Variants in EFR3A observed in about 807,000 individuals in gnomAD.
EFR3A encodes the protein EFR3 homolog A.
Under a neutral mutation model 104.4 loss-of-function variants are expected in EFR3A, and 76 were observed. The ratio of observed to expected loss-of-function variants is 0.73; its 90% confidence interval spans 0.60 to 0.88. The LOEUF is 0.88. EFR3A is among the 40% of genes least tolerant of loss of function. The pLI, the probability that EFR3A is intolerant of heterozygous loss-of-function variation, is 0.00. For missense variants in EFR3A, 985 were observed against 1,012.5 expected, an observed-to-expected ratio of 0.97 and a Z score of 0.37; for synonymous variants, 330 against 330.0, an observed-to-expected ratio of 1.00 and a Z score of 0.00.
chr8:132,010,407 G>GATATACATATATATATATATATATAT (rs1554610360), intron 22 of EFR3A, among the ~76,000 whole-genome samples: 1 of 81,880 alleles, frequency 1.2e-5, no homozygotes, highest in African/African-American at 4.9e-5. Context: ...TCAAGTATGA[G>GATATACATATATATATATATATATAT]ATATATATAT....
chr8:131,941,320 C>G (rs1818162383), intron 2 of EFR3A, among the ~76,000 whole-genome samples: 1 of 151,866 alleles, frequency 6.6e-6, no homozygotes, highest in Non-Finnish European at 1.5e-5. Context: ...TCTGTAGTCT[C>G]CTGTTAAATG....
At position 131,976,268 on chromosome 8, in the gene EFR3A, T is replaced by G. The variant is rs1046030047; in HGVS notation, c.1274+127T>G. 6 of 661,016 alleles carry G rather than the reference T, an allele frequency of 9.1e-6. No homozygotes were observed. The African/African-American group carries it at 1.1e-4, about 12-fold the overall frequency. The allele number at this position is 661,016 out of a possible 1,614,324, so 40.9% of individuals were successfully genotyped here. A position where few individuals can be genotyped will look rare whatever the true frequency, so the allele number is the denominator to read the frequency against. On this transcript the variant is annotated intron_variant, in intron 11 of 22. Coordinates refer to ENST00000254624, the MANE Select transcript of EFR3A (RefSeq NM_015137.6). ...GTAATAGCATTCCTATGGAAAGCAG[T>G]TAGTATTATTATGACAGTAGATTGC...
chr8:131,918,547 A>C (rs936401020), intron 1 of EFR3A, among the ~76,000 whole-genome samples: 1 of 152,162 alleles, frequency 6.6e-6, no homozygotes, highest in African/African-American at 2.4e-5. Flanking sequence ...CAAATGTTGG[A>C]TAGAGAAATT....
intron 1 of EFR3A, among the ~76,000 whole-genome samples, chr8:131,905,286 C>T (rs928052314): frequency 2.0e-5 from 3 of 152,184 alleles, no homozygotes; most frequent in Non-Finnish European, 4.4e-5. Context: ...ATAACTACTT[C>T]TAGTTGTCCT....
intron 1 of EFR3A, chr8:131,938,366 T>A: frequency 2.5e-6 from 1 of 396,274 alleles, no homozygotes; most frequent in Non-Finnish European, 4.5e-6. Context: ...AAGTAGAATA[T>A]TCATATTTAT....
In EFR3A at chr8:131,959,676, T is replaced by A; in HGVS notation, c.855+13T>A. 6 of 1,591,392 alleles carry A rather than the reference T, an allele frequency of 3.8e-6. No homozygotes were observed. Among genetic ancestry groups the A allele is most frequent in the African/African-American group, 1.3e-5 (1 of 74,204 alleles). ...GTATTCCATTCAGGTAAGGTTTGAT[T>A]AACTATTTACTGTATTTATATAAGT... On this transcript the variant is annotated intron_variant, in intron 8 of 22. Coordinates refer to ENST00000254624, the MANE Select transcript of EFR3A (RefSeq NM_015137.6).
chr8:131,987,713 G>C lies in EFR3A; in HGVS notation c.2065+11G>C. ...TACCACAAGTAACAGGTAAGAGGAG[G>C]ATAATTAGAACTTTCACTCTGGTGA... On this transcript the variant is annotated intron_variant, in intron 18 of 22. Transcript: ENST00000254624. The C allele has an allele frequency of 6.3e-7, 1 of 1,574,936 alleles. No homozygotes were observed.
intron 1 of EFR3A, among the ~76,000 whole-genome samples, chr8:131,926,128 G>A (rs1356701009): frequency 6.6e-6 from 1 of 151,992 alleles, no homozygotes; most frequent in East Asian, 1.9e-4. Context: ...TAGAAGACTA[G>A]CTTCATGTTA....
At chr8:131,906,437 A>G (rs1816270025) in intron 1 of EFR3A, among the ~76,000 whole-genome samples, 1 of 152,202 alleles carries the variant, frequency 6.6e-6, no homozygotes, top group East Asian at 1.9e-4. Context: ...ATTAAAATCA[A>G]AGGGTTGGAG....
Position 131,943,574 on chromosome 8 carries a change from C to T in EFR3A, c.88-1171C>T, listed in dbSNP as rs1245531276. Among the ~76,000 whole-genome samples, 6 of 151,992 alleles carry T rather than the reference C, an allele frequency of 3.9e-5. 1 individual carries two copies. The highest frequency in any genetic ancestry group is 3.9e-4 in the Admixed American group (6 of 15,224). On this transcript the variant is annotated intron_variant, in intron 2 of 22. Transcript: ENST00000254624. ...GGAAAACTAGATTGCTTCACTTTGCCTAGGGCAGGGTTTCTCAACTTAGGT... is the reference window on the plus strand; with the variant it reads ...GGAAAACTAGATTGCTTCACTTTGCTTAGGGCAGGGTTTCTCAACTTAGGT...
intron 7 of EFR3A, among the ~76,000 whole-genome samples, chr8:131,957,908 GA>G (rs1251910285): frequency 6.6e-6 from 1 of 152,114 alleles, no homozygotes; most frequent in Non-Finnish European, 1.5e-5. Context: ...AGATAAGAGG[GA>G]AAATGTTTAG....
chr8:131,906,263 G>A (rs537117385), intron 1 of EFR3A, among the ~76,000 whole-genome samples: 8 of 152,168 alleles, frequency 5.3e-5, no homozygotes, highest in Non-Finnish European at 1.2e-4. Flanking sequence ...CACAGAGATG[G>A]CAAAATTGTT....
chr8:131,927,799 GA>G (rs1321683372), intron 1 of EFR3A, among the ~76,000 whole-genome samples: 2 of 151,200 alleles, frequency 1.3e-5, no homozygotes, highest in Non-Finnish European at 2.9e-5. Context: ...TATTATTTTA[GA>G]AAAAAAACCA....
At chr8:131,977,490 C>G (rs1820384502) in intron 12 of EFR3A, among the ~76,000 whole-genome samples, 1 of 152,082 alleles carries the variant, frequency 6.6e-6, no homozygotes, top group Admixed American at 6.5e-5. Flanking sequence ...ATAATTGCTT[C>G]TGATTGGGAA....
chr8:131,938,612 A>G (rs1251792449), intron 1 of EFR3A, among the ~76,000 whole-genome samples: 3 of 152,122 alleles, frequency 2.0e-5, no homozygotes, highest in African/African-American at 4.8e-5. Flanking sequence ...CTATATGGCA[A>G]TGCATCCCTC....
rs1820748869 is a variant in EFR3A, at chr8:131,984,056, C to T, written c.1576-83C>T. 32 of 1,218,748 alleles carry T rather than the reference C, an allele frequency of 2.6e-5. No individual in the cohort carries two copies. In the South Asian group the frequency reaches 6.1e-4, roughly 23 times the overall value. The allele number at this position is 1,218,748 out of a possible 1,614,324, so 75.5% of individuals were successfully genotyped here. A position where few individuals can be genotyped will look rare whatever the true frequency, so the allele number is the denominator to read the frequency against. On this transcript the variant is annotated intron_variant, in intron 14 of 22. Transcript: ENST00000254624. Reference sequence around the variant, plus strand: ...GTTAAGCTATATAATAACATAGCTACACTGTAAAAGTATATGCATGTGAAA... The same window carrying T: ...GTTAAGCTATATAATAACATAGCTATACTGTAAAAGTATATGCATGTGAAA...
At chr8:131,909,379 T>C (rs973614109) in intron 1 of EFR3A, among the ~76,000 whole-genome samples, 6 of 151,820 alleles carry the variant, frequency 4.0e-5, no homozygotes, top group African/African-American at 1.5e-4. Context: ...AGACCCCGCC[T>C]CTACAGAAAA....
Position 131,918,204 on chromosome 8 carries a change from A to G in EFR3A, c.10+13882A>G, listed in dbSNP as rs866646128. Among the ~76,000 whole-genome samples the G allele has an allele frequency of 3.1e-4, 47 of 152,284 alleles. 1 individual carries two copies. Among genetic ancestry groups the G allele is most frequent in the African/African-American group, 1.1e-3 (47 of 41,572 alleles). On this transcript the variant is annotated intron_variant, in intron 1 of 22. Coordinates refer to ENST00000254624, the MANE Select transcript of EFR3A (RefSeq NM_015137.6). The stretch of plus-strand genomic sequence containing the variant: ...CAGGAGGCTGAAGCAGGAGAATCGC[A>G]TGAACCCGGAAGGTGGAGGTTGCAG...
intron 3 of EFR3A, among the ~76,000 whole-genome samples, 163 bp from the exon 4 acceptor site, chr8:131,946,320 A>G (rs113253165): frequency 1.0e-3 from 159 of 152,252 alleles, no homozygotes; most frequent in African/African-American, 3.0e-3. Context: ...CCTACAAGAT[A>G]TTAGTGCTGT....
Sources: gnomAD v4.1 joint callset for allele counts (sites outside exome capture counted in the v4.1 genomes callset) on GRCh38, gnomAD v4.1.1 for gene constraint, MANE v1.5 for transcripts, NCBI Gene and HGNC (gene_info 2026-07-23, HGNC 2026-07-21) for gene names.